The following IMMP2L variants were observed in gnomAD, a reference collection of about 807,000 sequenced individuals.
The protein encoded by IMMP2L is mitochondrial inner membrane protease subunit 2.
IMMP2L carries 18 observed loss-of-function variants against 19.3 expected under a neutral mutation model. That is an observed-to-expected ratio of 0.93 (90% CI 0.64 to 1.38). The LOEUF is 1.38. IMMP2L is among the 40% of genes most tolerant of loss of function. The probability of loss-of-function intolerance (pLI) is 0.00; values close to 1 mark genes in which losing one functional copy is unlikely to be tolerated. For missense variants in IMMP2L, 233 were observed against 218.2 expected (o/e 1.07, Z -0.43); for synonymous variants, 76 against 73.0 (o/e 1.04, Z -0.21).
At chr7:111,541,712 T>A (rs949265907) in intron 1 of IMMP2L, among the ~76,000 whole-genome samples, 1 of 152,146 alleles carries the variant, frequency 6.6e-6, no homozygotes, top group African/African-American at 2.4e-5. Flanking sequence ...AAGGAATATA[T>A]GAGCTAGATA....
At chr7:111,447,872 G>A (rs930483515) in intron 3 of IMMP2L, among the ~76,000 whole-genome samples, 4 of 150,974 alleles carry the variant, frequency 2.6e-5, no homozygotes, top group African/African-American at 9.8e-5. Context: ...GATCTACCAA[G>A]CAAATGGAAA....
chr7:111,103,784 C>T (rs1798240649), intron 3 of IMMP2L, among the ~76,000 whole-genome samples: 1 of 151,508 alleles, frequency 6.6e-6, no homozygotes, highest in Non-Finnish European at 1.5e-5. Flanking sequence ...ATTTAATTTT[C>T]ACAACATTCC....
At chr7:110,902,376 C>G (rs1362122465) in intron 4 of IMMP2L, among the ~76,000 whole-genome samples, 2 of 138,676 alleles carry the variant, frequency 1.4e-5, no homozygotes, top group African/African-American at 5.6e-5. Context: ...GTACACTTAA[C>G]TAATGGTCCA....
intron 4 of IMMP2L, among the ~76,000 whole-genome samples, chr7:110,908,592 G>T (rs1439191563): frequency 6.6e-6 from 1 of 152,168 alleles, no homozygotes; most frequent in Non-Finnish European, 1.5e-5. Flanking sequence ...TATCTTTAAA[G>T]AACTGTCTCT....
intron 3 of IMMP2L, among the ~76,000 whole-genome samples, chr7:111,016,525 G>T (rs1825582118): frequency 1.1e-5 from 1 of 93,768 alleles, no homozygotes; most frequent in East Asian, 3.2e-4. Flanking sequence ...TATTATATAT[G>T]TATATATTAT....
intron 3 of IMMP2L, among the ~76,000 whole-genome samples, chr7:111,254,227 CTTTTGTTTTG>C (rs58665783): frequency 3.8e-4 from 58 of 151,266 alleles, no homozygotes; most frequent in African/African-American, 1.2e-3. Context: ...TGTTTCTTGT[CTTTTGTTTTG>C]TTTTGTTTTG....
At chr7:110,833,390 G>C (rs953627379) in intron 5 of IMMP2L, among the ~76,000 whole-genome samples, 1 of 143,176 alleles carries the variant, frequency 7.0e-6, no homozygotes, top group Non-Finnish European at 1.5e-5. Flanking sequence ...AGTGAGCCAA[G>C]ATTGTGCCAT....
chr7:111,281,027 G>A (rs1356776819), intron 3 of IMMP2L, among the ~76,000 whole-genome samples: 4 of 151,106 alleles, frequency 2.6e-5, no homozygotes, highest in Non-Finnish European at 5.9e-5. Context: ...TGGAGATCAC[G>A]CCACTGCACT....
chr7:111,291,291 A>G (rs1246307999), intron 3 of IMMP2L, among the ~76,000 whole-genome samples: 1 of 152,166 alleles, frequency 6.6e-6, no homozygotes, highest in African/African-American at 2.4e-5. Flanking sequence ...AGCAGCTCCC[A>G]TCATCTAAAT....
chr7:111,394,322 T>C lies in IMMP2L; in HGVS notation c.239+92916A>G, dbSNP rs983007951. 2.6e-5 allele frequency among the ~76,000 whole-genome samples: 4 copies of C among 152,274 alleles called. No homozygotes were observed. The South Asian group carries it at 8.3e-4, about 32-fold the overall frequency. ...GTAAAGCATTTAGCATTAAATGTAGTATAACAGATTTTCATTGCTGCCATC... is the reference window on the plus strand; with the variant it reads ...GTAAAGCATTTAGCATTAAATGTAGCATAACAGATTTTCATTGCTGCCATC... On this transcript the variant is annotated intron_variant, in intron 3 of 5. Transcript: ENST00000405709.
At chr7:111,257,826 A>T (rs1316432280) in intron 3 of IMMP2L, among the ~76,000 whole-genome samples, 1 of 151,822 alleles carries the variant, frequency 6.6e-6, no homozygotes, top group Non-Finnish European at 1.5e-5. Flanking sequence ...GTACATGTGC[A>T]TAAAGTGCAG....
rs1801651399 is a variant in IMMP2L at position 111,129,529 on chromosome 7, C to T, written c.240-165964G>A. On this transcript the variant is annotated intron_variant, in intron 3 of 5. Coordinates refer to ENST00000405709, the MANE Select transcript of IMMP2L (RefSeq NM_032549.4). ...CTACAATGATCTTCTCTTTCAGATG[C>T]TAATATTTTCACTACAGCTTTGCTT... Among the ~76,000 whole-genome samples, 7 of 152,004 alleles carry T rather than the reference C, an allele frequency of 4.6e-5. 1 individual carries two copies. The South Asian group carries it at 1.4e-3, about 31-fold the overall frequency.
chr7:111,533,462 G>T (rs995025414), intron 1 of IMMP2L, among the ~76,000 whole-genome samples: 24 of 152,130 alleles, frequency 1.6e-4, no homozygotes, highest in African/African-American at 5.3e-4. Flanking sequence ...TGGAAACTGT[G>T]TGAGATAATA....
intron 4 of IMMP2L, among the ~76,000 whole-genome samples, chr7:110,911,600 G>A (rs118047001): frequency 0.014 from 2,088 of 152,202 alleles, 22 homozygotes; most frequent in Middle Eastern, 0.068. Context: ...AAAAGAGGCT[G>A]AAACAGGAGT....
At chr7:111,024,703 A>G (rs1424085157) in intron 3 of IMMP2L, among the ~76,000 whole-genome samples, 1 of 152,178 alleles carries the variant, frequency 6.6e-6, no homozygotes, top group African/African-American at 2.4e-5. Context: ...TTCAATAACT[A>G]TCACACATCT....
At position 110,821,382 on chromosome 7, in the gene IMMP2L, T is replaced by C. The variant is rs972109756; in HGVS notation, c.408+65211A>G. 5.9e-5 allele frequency among the ~76,000 whole-genome samples: 9 copies of C among 152,104 alleles called. 1 individual carries two copies. Among genetic ancestry groups the C allele is most frequent in the Admixed American group, 5.9e-4 (9 of 15,260 alleles). Reference sequence around the variant, plus strand: ...ATGAGTTTCCTCAGAGTTTCACGTTTGCTGGCATTAATGTAATTTCAATCT... The same window carrying C: ...ATGAGTTTCCTCAGAGTTTCACGTTCGCTGGCATTAATGTAATTTCAATCT... On this transcript the variant is annotated intron_variant, in intron 5 of 5. Coordinates refer to ENST00000405709, the MANE Select transcript of IMMP2L (RefSeq NM_032549.4).
chr7:111,239,351 T>C (rs1175928201), intron 3 of IMMP2L, among the ~76,000 whole-genome samples: 1 of 151,962 alleles, frequency 6.6e-6, no homozygotes, highest in Non-Finnish European at 1.5e-5. Context: ...CAACAAAGTC[T>C]ATTCAAACGA....
chr7:111,107,442 G>C (rs1798675974), intron 3 of IMMP2L, among the ~76,000 whole-genome samples: 2 of 152,030 alleles, frequency 1.3e-5, no homozygotes, highest in African/African-American at 4.8e-5. Context: ...TCTCTAAAAA[G>C]AAATTCTGGA....
At chr7:111,110,865 A>G (rs928251948) in intron 3 of IMMP2L, among the ~76,000 whole-genome samples, 1 of 152,170 alleles carries the variant, frequency 6.6e-6, no homozygotes, top group African/African-American at 2.4e-5. Flanking sequence ...GGGATTCCAG[A>G]TCTTAAATCA....
Sources: allele counts gnomAD v4.1 joint callset (sites outside exome capture counted in the v4.1 genomes callset), GRCh38; gene constraint gnomAD v4.1.1; transcripts MANE v1.5; gene names NCBI Gene and HGNC (gene_info 2026-07-23, HGNC 2026-07-21).